UBAC2: variants seen among roughly 807,000 people sequenced by gnomAD.
The protein encoded by UBAC2 is ubiquitin-associated domain-containing protein 2.
Under a neutral mutation model 44.0 loss-of-function variants are expected in UBAC2, and 26 were observed. The ratio of observed to expected loss-of-function variants is 0.59; its 90% CI spans 0.43 to 0.82. The LOEUF (loss-of-function observed/expected upper bound fraction) is 0.82. Ranked by LOEUF, UBAC2 falls within the 40% of genes least tolerant of loss-of-function variation. The probability of loss-of-function intolerance (pLI) is 0.00; values close to 1 mark genes in which losing one functional copy is unlikely to be tolerated. For synonymous variants in UBAC2, 155 were observed against 154.3 expected (o/e 1.00, Z -0.04); for missense variants, 329 against 419.4 (o/e 0.78, Z 1.88).
At position 99,295,209 on chromosome 13, in the gene UBAC2, T is replaced by G; in HGVS notation, c.390-18888T>G. On this transcript the variant is annotated intron_variant, in intron 4 of 8. Coordinates refer to ENST00000403766, the MANE Select transcript of UBAC2 (RefSeq NM_001144072.2). The surrounding 1 kb of genome is among the most constrained non-coding windows in gnomAD (Gnocchi z 4.1). ...CTCATAACCTTTCTCTTATACCCTT[T>G]ACATGCAAAGAAGTAGATAAAAGGG... is the stretch of plus-strand genomic sequence containing the variant. 6.2e-7 allele frequency: 1 copy of G among 1,614,144 alleles called. No individual in the cohort carries two copies. The highest frequency in any genetic ancestry group is 8.5e-7 in the Non-Finnish European group (1 of 1,180,006).
intron 7 of UBAC2, among the ~76,000 whole-genome samples, chr13:99,354,605 G>A (rs2138864418): frequency 1.3e-5 from 2 of 151,822 alleles, no homozygotes; most frequent in Middle Eastern, 6.8e-3. Flanking sequence ...GGACCAGGGA[G>A]GGCACTTTAG....
intron 4 of UBAC2, among the ~76,000 whole-genome samples, chr13:99,274,366 C>G (rs540630249): frequency 1.3e-5 from 2 of 151,746 alleles, no homozygotes; most frequent in South Asian, 4.2e-4. Flanking sequence ...GGGTCTTGCT[C>G]TGTTGCCCAG....
intron 4 of UBAC2, among the ~76,000 whole-genome samples, chr13:99,284,832 A>G (rs183400671): frequency 6.6e-6 from 1 of 152,290 alleles, no homozygotes; most frequent in Admixed American, 6.5e-5. Context: ...AGGCTGCTGG[A>G]AAATTAAAGT....
intron 1 of UBAC2, among the ~76,000 whole-genome samples, chr13:99,219,314 C>T (rs1425536098): frequency 1.3e-5 from 2 of 152,100 alleles, no homozygotes; most frequent in Non-Finnish European, 1.5e-5. Context: ...TCTCCAGTAC[C>T]CAAAAGATAC....
intron 5 of UBAC2, among the ~76,000 whole-genome samples, chr13:99,316,131 C>T (rs570907969): frequency 1.5e-4 from 23 of 152,066 alleles, no homozygotes; most frequent in African/African-American, 4.8e-4. Flanking sequence ...TGTAATATTT[C>T]CGGTAACTTT....
At chr13:99,302,991 G>A (rs944157879) in intron 4 of UBAC2, among the ~76,000 whole-genome samples, 3 of 125,350 alleles carry the variant, frequency 2.4e-5, no homozygotes, top group Admixed American at 8.6e-5. Context: ...ACTGTGGTCC[G>A]TCTGTTTGGG....
chr13:99,281,815 G>T (rs2043957949), intron 4 of UBAC2, among the ~76,000 whole-genome samples: 1 of 150,922 alleles, frequency 6.6e-6, no homozygotes, highest in African/African-American at 2.5e-5. Context: ...CTTACCTTAT[G>T]GATTGCTGGC....
At chr13:99,345,048 G>GA (rs2044952953) in intron 7 of UBAC2, among the ~76,000 whole-genome samples, 1 of 152,154 alleles carries the variant, frequency 6.6e-6, no homozygotes, top group Admixed American at 6.5e-5. Flanking sequence ...TCAGGAAGTA[G>GA]AAGGACGGGT....
At chr13:99,267,255 A>C (rs2043755910) in intron 4 of UBAC2, among the ~76,000 whole-genome samples, 1 of 152,094 alleles carries the variant, frequency 6.6e-6, no homozygotes, top group African/African-American at 2.4e-5. Flanking sequence ...TCTTTATGTA[A>C]TCTAGATGTT....
rs146120180 is a variant in UBAC2 at position 99,282,022 on chromosome 13, C to T, written c.390-32075C>T. Among the ~76,000 whole-genome samples, 14 of 152,316 alleles carry T rather than the reference C, an allele frequency of 9.2e-5. 1 individual carries two copies. Among genetic ancestry groups the T allele is most frequent in the Middle Eastern group, 3.4e-3 (1 of 294 alleles). On this transcript the variant is annotated intron_variant, in intron 4 of 8. Coordinates refer to ENST00000403766, the MANE Select transcript of UBAC2 (RefSeq NM_001144072.2). ...CATGAAGGGCAGTGGCATCATTGAC[C>T]TAAGCTAGAGTTTCCTCACCCTCAG... is the stretch of plus-strand genomic sequence containing the variant.
intron 4 of UBAC2, among the ~76,000 whole-genome samples, chr13:99,257,982 A>T (rs565720645): frequency 6.6e-6 from 1 of 152,218 alleles, no homozygotes; most frequent in African/African-American, 2.4e-5. Flanking sequence ...GGGTCTCACT[A>T]TGGTGCTCCT....
Position 99,368,008 on chromosome 13 carries a change from A to G in UBAC2, c.927+102A>G, listed in dbSNP as rs1005900496. ...AAAAGTAATCAAGCGTGTAAATACA[A>G]AGATGGTGACAGCAGTCCATCTGCC... On this transcript the variant is annotated intron_variant, in intron 8 of 8. Transcript: ENST00000403766. The G allele has an allele frequency of 2.9e-5, 41 of 1,429,074 alleles. 1 individual carries two copies. Among genetic ancestry groups the G allele is most frequent in the Middle Eastern group, 2.1e-4 (1 of 4,766 alleles). 88.5% of individuals were successfully genotyped at this position (1,429,074 alleles called of 1,614,324 possible). A position where few individuals can be genotyped will look rare whatever the true frequency, so the allele number is the denominator to read the frequency against.
intron 5 of UBAC2, among the ~76,000 whole-genome samples, chr13:99,317,079 A>G (rs2044502260): frequency 1.3e-5 from 2 of 152,230 alleles, no homozygotes; most frequent in South Asian, 4.1e-4. Context: ...AACTGAGCCT[A>G]TCACTAGAGC....
intron 4 of UBAC2, among the ~76,000 whole-genome samples, chr13:99,269,113 A>G (rs1383266208): frequency 6.6e-6 from 1 of 152,172 alleles, no homozygotes; most frequent in African/African-American, 2.4e-5. Flanking sequence ...GAGCTGCTGA[A>G]TTTGACACTG....
chr13:99,280,294 G>T (rs1214067033), intron 4 of UBAC2, among the ~76,000 whole-genome samples: 1 of 152,106 alleles, frequency 6.6e-6, no homozygotes, highest in African/African-American at 2.4e-5. Context: ...CTTGTACTCT[G>T]CATGTCAGCT....
intron 4 of UBAC2, among the ~76,000 whole-genome samples, chr13:99,256,802 A>G (rs895903544): frequency 3.3e-5 from 5 of 151,946 alleles, no homozygotes; most frequent in African/African-American, 7.3e-5. Flanking sequence ...TCATTCCCCC[A>G]TGATGCAACA....
chr13:99,210,106 G>A (rs1265927863), intron 1 of UBAC2, among the ~76,000 whole-genome samples: 1 of 152,136 alleles, frequency 6.6e-6, no homozygotes, highest in African/African-American at 2.4e-5. Context: ...ACTATAGGAA[G>A]TTTGGAAAAT....
In UBAC2 at chr13:99,257,832, T is replaced by C. The variant is rs190772761; in HGVS notation, c.389+13208T>C. Among the ~76,000 whole-genome samples, 9 of 152,338 alleles carry C rather than the reference T, an allele frequency of 5.9e-5. No homozygotes were observed. The East Asian group carries it at 1.2e-3, about 20-fold the overall frequency. ...AAGTTGAAAAAAATTACATTTAGTA[T>C]TAATGTAAAGCAATATTGAAAATAA... On this transcript the variant is annotated intron_variant, in intron 4 of 8. Transcript: ENST00000403766.
chr13:99,201,639 A>G (rs968757053), intron 1 of UBAC2: 7 of 1,548,568 alleles, frequency 4.5e-6, no homozygotes, highest in Admixed American at 3.6e-5. Flanking sequence ...GACTTTCGGT[A>G]AGGTAGACTG....
Sources: allele counts gnomAD v4.1 joint callset (sites outside exome capture counted in the v4.1 genomes callset), GRCh38; gene constraint gnomAD v4.1.1; non-coding constraint Gnocchi (gnomAD v3.1); transcripts MANE v1.5; gene names NCBI Gene and HGNC (gene_info 2026-07-23, HGNC 2026-07-21).